Variants in POLD3 observed in about 807,000 individuals in gnomAD.
The protein encoded by POLD3 is DNA polymerase delta subunit 3.
POLD3 carries 19 observed loss-of-function variants against 58.2 expected under a neutral mutation model. The ratio of observed to expected loss-of-function variants is 0.33; its 90% CI spans 0.23 to 0.48. POLD3 has a LOEUF of 0.48. POLD3 is among the 20% of genes least tolerant of loss of function. POLD3 has a pLI of 0.99. For missense variants in POLD3, 504 were observed against 545.5 expected (o/e 0.92, Z 0.76); for synonymous variants, 172 against 193.5 (o/e 0.89, Z 0.92).
At position 74,630,315 on chromosome 11, in the gene POLD3, T is replaced by A. The variant is rs573990035; in HGVS notation, c.1006+992T>A. Among the ~76,000 whole-genome samples, 26 of 151,952 alleles carry A rather than the reference T, an allele frequency of 1.7e-4. No individual in the cohort carries two copies. In the East Asian group the frequency reaches 4.4e-3, roughly 26 times the overall value. ...CGAAAAAAGGATATTAGCTCAACTA[T>A]ACAAGTGAGTGAAAAAAAAACAAAT... is the stretch of plus-strand genomic sequence containing the variant. On this transcript the variant is annotated intron_variant, in intron 9 of 11. Coordinates refer to ENST00000263681, the MANE Select transcript of POLD3 (RefSeq NM_006591.3).
Position 74,660,739 on chromosome 11 carries a change from C to A in POLD3, c.370-8038C>A, listed in dbSNP as rs1037236197. 2.0e-5 allele frequency among the ~76,000 whole-genome samples: 3 copies of A among 152,058 alleles called. No homozygotes were observed. In the East Asian group the frequency reaches 5.8e-4, roughly 29 times the overall value. ...CCTTCTCTGGCCAGGTAAGGTGTGCCGGCTTCCTCTTCACCTTCCGCCATG... is the reference window on the plus strand; with the variant it reads ...CCTTCTCTGGCCAGGTAAGGTGTGCAGGCTTCCTCTTCACCTTCCGCCATG... On this transcript the variant is annotated intron_variant, in intron 4 of 4. Transcript: ENST00000524752.
chr11:74,635,327 G>A (rs2032717537), intron 10 of POLD3, among the ~76,000 whole-genome samples: 2 of 152,272 alleles, frequency 1.3e-5, no homozygotes, highest in South Asian at 4.1e-4. Flanking sequence ...AAAGAGACCA[G>A]TGGAGATAAA....
rs17133314 is a variant in POLD3, at chr11:74,632,206, A to C, written c.1007-2377A>C. 9.2e-3 allele frequency among the ~76,000 whole-genome samples: 1,397 copies of C among 152,300 alleles called. 20 individuals are homozygous for C. Among genetic ancestry groups the C allele is most frequent in the African/African-American group, 0.032 (1,327 of 41,572 alleles). ...TAAAAAATAGTCCTAGGAAGCTGTG[A>C]ATGGTTTCCAGGAATTCTAATTACC... On this transcript the variant is annotated intron_variant, in intron 9 of 11. Coordinates refer to ENST00000263681, the MANE Select transcript of POLD3 (RefSeq NM_006591.3).
At chr11:74,662,635 T>C (rs2033218757) in intron 4 of POLD3, among the ~76,000 whole-genome samples, 1 of 152,030 alleles carries the variant, frequency 6.6e-6, no homozygotes, top group South Asian at 2.1e-4. Context: ...ACTGTGCTGC[T>C]TGGAGTTGGA....
chr11:74,660,700 T>C (rs1458649105), intron 4 of POLD3, among the ~76,000 whole-genome samples: 2 of 152,262 alleles, frequency 1.3e-5, no homozygotes, highest in East Asian at 1.9e-4. Context: ...CACCTCCCCC[T>C]GTGCACTCTT....
intron 9 of POLD3, 26 bp downstream of exon 9, chr11:74,629,349 T>G: frequency 7.6e-7 from 1 of 1,323,454 alleles, no homozygotes. Flanking sequence ...CATTTTGGGT[T>G]AGGGGGATCA....
At position 74,640,758 on chromosome 11, in the gene POLD3, A is replaced by C; in HGVS notation, c.1393A>C (p.Arg465=). 6.3e-7 allele frequency: 1 copy of C among 1,588,392 alleles called. No homozygotes were observed. Among genetic ancestry groups the C allele is most frequent in the Non-Finnish European group, 8.5e-7 (1 of 1,170,898 alleles). The change falls in exon 12 of 12, where the codon AGG becomes CGG. Residue 465 remains arginine, a synonymous_variant. Coordinates refer to ENST00000263681, the MANE Select transcript of POLD3 (RefSeq NM_006591.3). ...RQVSITGFFQ[R]K is the part of the protein sequence containing the mutation. ...GGTGTCCATTACTGGCTTCTTCCAGAGGAAATAAACTGCCATCTCTGGTAG... is the reference window on the plus strand; with the variant it reads ...GGTGTCCATTACTGGCTTCTTCCAGCGGAAATAAACTGCCATCTCTGGTAG...
At chr11:74,669,296 C>T (rs532908015), downstream of POLD3, among the ~76,000 whole-genome samples, 1 of 152,306 alleles carries the variant, frequency 6.6e-6, no homozygotes, top group Non-Finnish European at 1.5e-5. Flanking sequence ...ATTATAATTG[C>T]AGTGGGAGAT....
intron 4 of POLD3, among the ~76,000 whole-genome samples, chr11:74,657,746 G>A (rs1195485450): frequency 6.6e-6 from 1 of 152,108 alleles, no homozygotes; most frequent in African/African-American, 2.4e-5. Flanking sequence ...AGTGAGTTTT[G>A]TATCTTCAGA....
chr11:74,625,304 C>G, intron 7 of POLD3, 104 bp from the exon 8 acceptor site: 1 of 848,568 alleles, frequency 1.2e-6, no homozygotes, highest in South Asian at 2.1e-5. Context: ...TCCTTTTTGC[C>G]CCTGCTCCTA....
intron 3 of POLD3, 127 bp from the exon 4 acceptor site, chr11:74,611,372 C>A: frequency 1.6e-6 from 1 of 615,314 alleles, no homozygotes; most frequent in South Asian, 1.8e-5. Context: ...TAAATTATAA[C>A]ATATGTTTTA....
chr11:74,666,175 C>G (rs899164130), intron 4 of POLD3, among the ~76,000 whole-genome samples: 2 of 152,176 alleles, frequency 1.3e-5, no homozygotes, highest in Non-Finnish European at 2.9e-5. Context: ...TAAAAGTACT[C>G]AGGAATACAT....
rs536282381 is a variant in POLD3 at position 74,664,004 on chromosome 11, A to G, written c.370-4773A>G. Among the ~76,000 whole-genome samples the G allele has an allele frequency of 9.2e-5, 14 of 152,334 alleles. No homozygotes were observed. In the East Asian group the frequency reaches 1.9e-3, roughly 21 times the overall value. ...ATAAGAACCGGCACTGAATAAAGGA[A>G]GATATACCAATGGCCAATAAGCACA... On this transcript the variant is annotated intron_variant, in intron 4 of 4. Coordinates refer to the POLD3 transcript ENST00000524752.
At chr11:74,594,913 C>T (rs1203127168) in intron 2 of POLD3, among the ~76,000 whole-genome samples, 1 of 152,194 alleles carries the variant, frequency 6.6e-6, no homozygotes, top group Non-Finnish European at 1.5e-5. Context: ...CAGTTATCTC[C>T]ACCTGGTCCG....
chr11:74,627,656 C>CT (rs112385499), intron 8 of POLD3, among the ~76,000 whole-genome samples: 1 of 151,994 alleles, frequency 6.6e-6, no homozygotes, highest in African/African-American at 2.4e-5. Flanking sequence ...CATTTTTAAT[C>CT]TTTTTTATAC....
At chr11:74,605,119 A>G (rs2031631714) in intron 3 of POLD3, among the ~76,000 whole-genome samples, 1 of 152,236 alleles carries the variant, frequency 6.6e-6, no homozygotes, top group Admixed American at 6.5e-5. Flanking sequence ...TTCAAATTTC[A>G]AACCATGAAT....
chr11:74,665,288 C>CA (rs2033253666), intron 4 of POLD3, among the ~76,000 whole-genome samples: 1 of 143,802 alleles, frequency 7.0e-6, no homozygotes, highest in Admixed American at 6.9e-5. Flanking sequence ...TGTGCCACTG[C>CA]ACCCCAGCCT....
At chr11:74,604,642 G>A (rs764003511) in intron 2 of POLD3, 50 bp from the exon 3 acceptor site, 1 of 962,182 alleles carries the variant, frequency 1.0e-6, no homozygotes, top group Non-Finnish European at 1.7e-6. Context: ...AGTTGATCAT[G>A]TAAAAACTCT....
At chr11:74,653,802 T>C (rs944604657) in intron 4 of POLD3, among the ~76,000 whole-genome samples, 4 of 152,204 alleles carry the variant, frequency 2.6e-5, no homozygotes, top group African/African-American at 9.7e-5. Flanking sequence ...TAGTCTGTTC[T>C]TGCGTTGCTG....
Sources: gnomAD v4.1 joint callset for allele counts (sites outside exome capture counted in the v4.1 genomes callset) on GRCh38, gnomAD v4.1.1 for gene constraint, MANE v1.5 for transcripts, NCBI Gene and HGNC (gene_info 2026-07-23, HGNC 2026-07-21) for gene names.